MCAT: variants seen among roughly 807,000 people sequenced by gnomAD.
MCAT encodes the protein malonyl-CoA-acyl carrier protein transacylase, mitochondrial.
MCAT carries 22 observed loss-of-function variants against 22.9 expected under a neutral mutation model. That is an observed-to-expected ratio of 0.96 (90% CI 0.69 to 1.37). The LOEUF is 1.37. Among genes scored for constraint, MCAT ranks in the 40% most tolerant of loss-of-function variants. The pLI is 0.00. For missense variants in MCAT, 534 were observed against 533.6 expected (o/e 1.00, Z -0.01); for synonymous variants, 240 against 233.9 (o/e 1.03, Z -0.24).
At chr22:43,139,864 G>A (rs1423680421) in intron 2 of MCAT, among the ~76,000 whole-genome samples, 1 of 151,980 alleles carries the variant, frequency 6.6e-6, no homozygotes, top group Non-Finnish European at 1.5e-5. Context: ...TTACAGGCGT[G>A]AGCCACCACA....
rs774125780 is a variant in MCAT at position 43,143,329 on chromosome 22, C to G, written c.20G>C (p.Arg7Pro). Residue 7 changes from arginine to proline, a missense_variant, in exon 1 of 4, where the codon CGG becomes CCG. Coordinates refer to ENST00000290429, the MANE Select transcript of MCAT (RefSeq NM_173467.5). MSVRVARVAWVRGLGAS... is the reference protein window; with the variant it reads MSVRVAPVAWVRGLGAS... ...GCCCAAGCCCCTGACCCACGCTACC[C>G]GTGCGACCCGGACGCTCATGGTCGG... 15 of 1,392,416 alleles carry G rather than the reference C, an allele frequency of 1.1e-5. No homozygotes were observed. In the East Asian group the frequency reaches 4.5e-4, roughly 42 times the overall value. 86.3% of individuals were successfully genotyped at this position (1,392,416 alleles called of 1,614,324 possible). A position where few individuals can be genotyped will look rare whatever the true frequency, so the allele number is the denominator to read the frequency against.
chr22:43,134,473 G>A (rs539043248), intron 3 of MCAT, among the ~76,000 whole-genome samples: 2 of 152,094 alleles, frequency 1.3e-5, no homozygotes, highest in Non-Finnish European at 2.9e-5. Context: ...TCAGCCTCCC[G>A]AGTAGCTGGG....
intron 3 of MCAT, among the ~76,000 whole-genome samples, chr22:43,135,590 TG>T (rs1172075401): frequency 2.0e-5 from 3 of 151,332 alleles, no homozygotes; most frequent in Non-Finnish European, 4.4e-5. Flanking sequence ...GGGAGCCTAC[TG>T]GGGAGACTCC....
chr22:43,141,281 A>C (rs749587976), intron 1 of MCAT, 32 bp from the exon 2 acceptor site: 7 of 1,577,778 alleles, frequency 4.4e-6, no homozygotes, highest in Non-Finnish European at 6.1e-6. Context: ...GTGAGCCCTC[A>C]CTCTCCTGGG....
Position 43,143,241 on chromosome 22 carries a change from C to T in MCAT, c.108G>A (p.Ala36=), listed in dbSNP as rs752711316. Residue 36 remains alanine, a synonymous_variant, in exon 1 of 4, where the codon GCG becomes GCA. Transcript: ENST00000290429. ...PVPPPGAQGV[A]ELLRDATGAE... is the part of the protein sequence containing the mutation. ...CCCCGGTCGCATCTCGCAGCAGCTC[C>T]GCTACACCCTGGGCGCCCGGCGGAG... 4.7e-6 allele frequency: 7 copies of T among 1,479,804 alleles called. No homozygotes were observed. In the South Asian group the frequency reaches 9.2e-5, roughly 19 times the overall value. 91.7% of individuals were successfully genotyped at this position (1,479,804 alleles called of 1,614,324 possible).
chr22:43,138,002 G>T (rs60203137), intron 2 of MCAT, among the ~76,000 whole-genome samples: 3,786 of 152,218 alleles, frequency 0.025, 174 homozygotes, highest in African/African-American at 0.087. Context: ...GAGGCAGGAC[G>T]GCTTGAGCCC....
rs187229383 is a variant in MCAT at position 43,133,010 on chromosome 22, C to T, written c.*33G>A. 1.9e-6 allele frequency: 3 copies of T among 1,594,752 alleles called. No individual in the cohort carries two copies. Among genetic ancestry groups the T allele is most frequent in the African/African-American group, 1.3e-5 (1 of 74,420 alleles). ...AGCCTACAGCCTCTCCTCAGGAGGA[C>T]AGAGGGGGTCATCGCATTTGAGCCC... is the stretch of plus-strand genomic sequence containing the variant. On this transcript the variant is annotated 3_prime_UTR_variant, in exon 4 of 4. Coordinates refer to ENST00000290429, the MANE Select transcript of MCAT (RefSeq NM_173467.5).
chr22:43,137,190 G>A lies in MCAT; in HGVS notation c.620C>T (p.Ala207Val), dbSNP rs760815497. ...LGQPQSKFNF[A>V]CLEAREHCKS... is the part of the protein sequence containing the mutation. ...GCAGTGTTCCCGGGCTTCCAAACAG[G>A]CGAAGTTGAACTTGGACTGAGGCTG... is the stretch of plus-strand genomic sequence containing the variant. The change falls in exon 3 of 4, where the codon GCC becomes GTC. Residue 207 changes from alanine to valine, a missense_variant. Physicochemically the swap from Ala to Val is moderately conservative, Grantham distance 64. Transcript: ENST00000290429. 5.0e-6 allele frequency: 8 copies of A among 1,614,038 alleles called. No individual in the cohort carries two copies. Among genetic ancestry groups the A allele is most frequent in the African/African-American group, 4.0e-5 (3 of 74,930 alleles).
At position 43,143,263 on chromosome 22, in the gene MCAT, G is replaced by A. The variant is rs757613782; in HGVS notation, c.86C>T (p.Pro29Leu). The change falls in exon 1 of 4, where the codon CCG becomes CTG. Residue 29 changes from proline (P) to leucine (L), a missense_variant. Coordinates refer to ENST00000290429, the MANE Select transcript of MCAT (RefSeq NM_173467.5). ...CTCCGCTACACCCTGGGCGCCCGGCGGAGGCACCGGGAAGCTCGAGGCGCC... is the reference window on the plus strand; with the variant it reads ...CTCCGCTACACCCTGGGCGCCCGGCAGAGGCACCGGGAAGCTCGAGGCGCC... ...RRGASSFPVP[P>L]PGAQGVAELL... The A allele has an allele frequency of 6.9e-7, 1 of 1,442,974 alleles. No homozygotes were observed. Among genetic ancestry groups the A allele is most frequent in the East Asian group, 2.9e-5 (1 of 34,446 alleles). The allele number at this position is 1,442,974 out of a possible 1,614,324, so 89.4% of individuals were successfully genotyped here.
chr22:43,137,630 A>G (rs1001252394), intron 2 of MCAT, among the ~76,000 whole-genome samples: 4 of 152,196 alleles, frequency 2.6e-5, no homozygotes, highest in East Asian at 1.9e-4. Context: ...AGTGCCACTG[A>G]CGTCTAGTGG....
chr22:43,139,697 C>T (rs543738457), intron 2 of MCAT, among the ~76,000 whole-genome samples: 1 of 151,338 alleles, frequency 6.6e-6, no homozygotes, highest in South Asian at 2.1e-4. Context: ...TGTGCCTCAG[C>T]CTCCCAAGTA....
Position 43,143,165 on chromosome 22 carries a change from A to G in MCAT, c.184T>C (p.Cys62Arg). 2 of 1,568,894 alleles carry G rather than the reference A, an allele frequency of 1.3e-6. No homozygotes were observed. Among genetic ancestry groups the G allele is most frequent in the Non-Finnish European group, 1.7e-6 (2 of 1,166,040 alleles). ...AATERRMPGQ[C>R]SVLLFPGQGS... ...TGGCCCGGGAAGAGCAGCACGGAGC[A>G]CTGGCCCGGCATTCGCCGCTCCGTC... The change falls in exon 1 of 4, where the codon TGC (cysteine) becomes CGC (arginine). Residue 62 changes from cysteine (C) to arginine (R), a missense_variant. Cys to Arg is a radical substitution (Grantham distance 180). Coordinates refer to ENST00000290429, the MANE Select transcript of MCAT (RefSeq NM_173467.5).
intron 3 of MCAT, 134 bp from the exon 4 acceptor site, chr22:43,133,620 TC>T (rs1194780227): frequency 4.6e-6 from 3 of 647,862 alleles, no homozygotes; most frequent in Non-Finnish European, 7.9e-6. Flanking sequence ...ATGTGACCTG[TC>T]TGTCCCAGCA....
rs762042755 is a variant in MCAT at position 43,142,968 on chromosome 22, T to C, written c.381A>G (p.Ala127=). The C allele has an allele frequency of 4.4e-6, 7 of 1,596,834 alleles. No homozygotes were observed. Among genetic ancestry groups the C allele is most frequent in the Non-Finnish European group, 6.0e-6 (7 of 1,171,598 alleles). The stretch of plus-strand genomic sequence containing the variant: ...GTAGTTTCTCGACAGCGGCCAGCGA[T>C]GCCACGAAGATCGCGGGCTGACAGT... ...TVHCQPAIFV[A]SLAAVEKLHH... Residue 127 remains alanine, a synonymous_variant, in exon 1 of 4, where the codon GCA becomes GCG. Transcript: ENST00000290429.
chr22:43,137,260 C>T lies in MCAT; in HGVS notation c.550G>A (p.Glu184Lys), dbSNP rs1044349023. The T allele has an allele frequency of 9.3e-6, 15 of 1,614,046 alleles. No individual in the cohort carries two copies. Among genetic ancestry groups the T allele is most frequent in the Non-Finnish European group, 1.2e-5 (14 of 1,180,040 alleles). The stretch of plus-strand genomic sequence containing the variant: ...CCACTGGGGACAGCTTCTGAAGCTT[C>T]CTGCATGGCCTCAGCTCGGATTTTC... ...AVKIRAEAMQ[E>K]ASEAVPSGML... The change falls in exon 3 of 4, where the codon GAA becomes AAA. Residue 184 changes from glutamate (E) to lysine (K), a missense_variant. By Grantham distance (56) the Glu-to-Lys change is moderately conservative. Transcript: ENST00000290429.
chr22:43,139,422 A>G (rs72619544), intron 2 of MCAT, among the ~76,000 whole-genome samples: 11,941 of 152,074 alleles, frequency 0.079, 954 homozygotes, highest in East Asian at 0.33. Flanking sequence ...GTTAGTCTGG[A>G]GACTGAAGCG....
chr22:43,132,548 G>A lies in MCAT; in HGVS notation c.*495C>T, dbSNP rs1445566176. 1 of 166,342 alleles carries A rather than the reference G, an allele frequency of 6.0e-6. No individual in the cohort carries two copies. Among genetic ancestry groups the A allele is most frequent in the Admixed American group, 5.5e-5 (1 of 18,046 alleles). The allele number at this position is 166,342 out of a possible 1,614,324, so 10.3% of individuals were successfully genotyped here. ...TCTCCCAGCTGTCAAGTGAGGAGGTGAACAAAACTGCCAAGGCCAACTGGG... is the reference window on the plus strand; with the variant it reads ...TCTCCCAGCTGTCAAGTGAGGAGGTAAACAAAACTGCCAAGGCCAACTGGG... On this transcript the variant is annotated 3_prime_UTR_variant, in exon 4 of 4. Transcript: ENST00000290429.
rs1268903369 is a variant in MCAT, at chr22:43,132,291, A to G, written c.*752T>C. 6.6e-6 allele frequency: 1 copy of G among 152,234 alleles called. No individual in the cohort carries two copies. Among genetic ancestry groups the G allele is most frequent in the African/African-American group, 2.4e-5 (1 of 41,440 alleles). The allele number at this position is 152,234 out of a possible 1,614,324, so 9.4% of individuals were successfully genotyped here. A position where few individuals can be genotyped will look rare whatever the true frequency, so the allele number is the denominator to read the frequency against. On this transcript the variant is annotated 3_prime_UTR_variant, in exon 4 of 4. Transcript: ENST00000290429. ...GCCAGGGGTCAGCTCCGAGGCAGGT[A>G]TGTGCTGTGCTCCCTCTGGCGCCCC...
At chr22:43,134,504 C>G (rs9612014) in intron 3 of MCAT, among the ~76,000 whole-genome samples, 1 of 152,132 alleles carries the variant, frequency 6.6e-6, no homozygotes, top group East Asian at 1.9e-4. Flanking sequence ...TGTACCACCA[C>G]GCCTGGCTAA....
Sources: allele counts gnomAD v4.1 joint callset (sites outside exome capture counted in the v4.1 genomes callset), GRCh38; gene constraint gnomAD v4.1.1; transcripts MANE v1.5; gene names NCBI Gene and HGNC (gene_info 2026-07-23, HGNC 2026-07-21).